Variants in DHRSX observed in about 807,000 individuals in gnomAD.
The protein encoded by DHRSX is dehydrogenase/reductase X-linked.
Under a neutral mutation model 34.0 loss-of-function variants are expected in DHRSX, and 31 were observed. The ratio of observed to expected loss-of-function variants is 0.91; its 90% CI spans 0.69 to 1.23. The LOEUF is 1.23. DHRSX is among the 50% of genes most tolerant of loss of function. The pLI, the probability that DHRSX is intolerant of heterozygous loss-of-function variation, is 0.00. For synonymous variants in DHRSX, 201 were observed against 183.8 expected (o/e 1.09, Z -0.76); for missense variants, 414 against 428.1 (o/e 0.97, Z 0.29).
At position 2,473,481 on chromosome X, in the gene DHRSX, G is replaced by A. The variant is rs886957580; in HGVS notation, c.109+27336C>T. Among the ~76,000 whole-genome samples the A allele has an allele frequency of 1.7e-4, 26 of 151,830 alleles. 1 individual carries two copies. The highest frequency in any genetic ancestry group is 1.2e-3 in the Admixed American group (18 of 15,250). ...TCTACTAAAAATATAAAATTAGCCG[G>A]GCGTGGTGGCACATGCCTGTATTCC... On this transcript the variant is annotated intron_variant, in intron 1 of 6. Coordinates refer to ENST00000334651, the MANE Select transcript of DHRSX (RefSeq NM_145177.3).
chrX:2,473,920 G>A lies in DHRSX; in HGVS notation c.109+26897C>T, dbSNP rs1224050426. Among the ~76,000 whole-genome samples, 9 of 148,370 alleles carry A rather than the reference G, an allele frequency of 6.1e-5. No individual in the cohort carries two copies. The East Asian group carries it at 1.4e-3, about 22-fold the overall frequency. Reference sequence around the variant, plus strand: ...TTCAGACCATTTCTTGGTATCAAGCGTGTAGGGGAAGAAGGATGCGGACAG... The same window carrying A: ...TTCAGACCATTTCTTGGTATCAAGCATGTAGGGGAAGAAGGATGCGGACAG... On this transcript the variant is annotated intron_variant, in intron 1 of 6. Coordinates refer to ENST00000334651, the MANE Select transcript of DHRSX (RefSeq NM_145177.3).
chrX:2,304,170 CTGATGGATGGAT>C (rs2042065564), intron 3 of DHRSX, among the ~76,000 whole-genome samples: 2 of 34,254 alleles, frequency 5.8e-5, no homozygotes, highest in South Asian at 1.0e-3. Flanking sequence ...GATGGATGAA[CTGATGGATGGAT>C]GGATGGATGG....
intron 3 of DHRSX, among the ~76,000 whole-genome samples, chrX:2,310,765 C>CCAGAGAGACA (rs984145215): frequency 7.9e-5 from 12 of 151,312 alleles, no homozygotes; most frequent in Middle Eastern, 6.8e-3. Flanking sequence ...AGAGAGTGTG[C>CCAGAGAGACA]CAGAGAGACA....
chrX:2,429,013 T>C (rs1454252708), intron 1 of DHRSX, among the ~76,000 whole-genome samples: 1 of 152,206 alleles, frequency 6.6e-6, no homozygotes, highest in Non-Finnish European at 1.5e-5. Context: ...ACTTTCATTT[T>C]GTTTTTCTTG....
intron 3 of DHRSX, among the ~76,000 whole-genome samples, chrX:2,407,138 A>T (rs757839611): frequency 2.0e-5 from 3 of 152,228 alleles, no homozygotes; most frequent in African/African-American, 7.2e-5. Context: ...ACTGGAGGCC[A>T]TTACCCTAAG....
intron 3 of DHRSX, among the ~76,000 whole-genome samples, chrX:2,340,654 G>A (rs1216228329): frequency 6.6e-6 from 1 of 152,072 alleles, no homozygotes; most frequent in African/African-American, 2.4e-5. Flanking sequence ...ACCCGCCATT[G>A]AGAACAAATA....
intron 3 of DHRSX, among the ~76,000 whole-genome samples, chrX:2,346,622 T>G (rs911391676): frequency 1.7e-4 from 25 of 149,768 alleles, no homozygotes; most frequent in Non-Finnish European, 3.4e-4. Context: ...TTTTCCTGTT[T>G]GTAGGGATGT....
intron 1 of DHRSX, among the ~76,000 whole-genome samples, chrX:2,459,443 T>C (rs920987528): frequency 3.3e-5 from 5 of 151,316 alleles, no homozygotes; most frequent in African/African-American, 1.2e-4. Context: ...ATTAGCTTCA[T>C]TGCTAATATG....
At chrX:2,472,225 A>T (rs1354026972) in intron 1 of DHRSX, among the ~76,000 whole-genome samples, 2 of 151,964 alleles carry the variant, frequency 1.3e-5, no homozygotes, top group Non-Finnish European at 1.5e-5. Flanking sequence ...AAACTTACAC[A>T]GGAACAGAAA....
intron 3 of DHRSX, among the ~76,000 whole-genome samples, chrX:2,394,145 C>A (rs762647662): frequency 6.6e-6 from 1 of 152,160 alleles, no homozygotes; most frequent in Admixed American, 6.5e-5. Flanking sequence ...ACTGTCCTGG[C>A]GGCTGCAGGT....
At chrX:2,342,400 A>G (rs1342298899) in intron 3 of DHRSX, among the ~76,000 whole-genome samples, 1 of 151,944 alleles carries the variant, frequency 6.6e-6, no homozygotes, top group African/African-American at 2.4e-5. Flanking sequence ...TACCTCACGG[A>G]TTGTCCCGGG....
chrX:2,479,054 C>A (rs2044727806), intron 1 of DHRSX, among the ~76,000 whole-genome samples: 1 of 152,118 alleles, frequency 6.6e-6, no homozygotes, highest in South Asian at 2.1e-4. Context: ...AAGGGACCAC[C>A]ACCGTGTGCA....
At chrX:2,372,605 CTTCT>C (rs1177059026) in intron 3 of DHRSX, among the ~76,000 whole-genome samples, 68 of 112,714 alleles carry the variant, frequency 6.0e-4, no homozygotes, top group African/African-American at 2.4e-3. Flanking sequence ...TTTTCTTTTC[CTTCT>C]TTGTTTTTTT....
chrX:2,331,436 G>GTTTTTTTTTTTTTTTTT lies in DHRSX; in HGVS notation c.287-39850_287-39834dup, dbSNP rs1159991841. On this transcript the variant is annotated intron_variant, in intron 3 of 6. Transcript: ENST00000334651. ...GGAATCCTTTCAGGAAGGTTTTTTG[G>GTTTTTTTTTTTTTTTTT]TTTTTTTTTTTTTTTTTTTTTTTTT... is the stretch of plus-strand genomic sequence containing the variant. 3.9e-4 allele frequency among the ~76,000 whole-genome samples: 37 copies of GTTTTTTTTTTTTTTTTT among 94,662 alleles called. 2 individuals carry two copies. Among genetic ancestry groups the GTTTTTTTTTTTTTTTTT allele is most frequent in the Non-Finnish European group, 6.7e-4 (31 of 46,462 alleles). The allele number at this position is 94,662 out of a possible 152,430, so 62.1% of individuals were successfully genotyped here.
chrX:2,348,632 T>C (rs955006922), intron 3 of DHRSX, among the ~76,000 whole-genome samples: 6 of 152,036 alleles, frequency 3.9e-5, no homozygotes, highest in African/African-American at 7.2e-5. Context: ...ATGTCTGCTA[T>C]ATTATTTTCT....
At chrX:2,440,117 G>A (rs1246824948) in intron 1 of DHRSX, among the ~76,000 whole-genome samples, 3 of 152,194 alleles carry the variant, frequency 2.0e-5, no homozygotes, top group Non-Finnish European at 4.4e-5. Flanking sequence ...GGAAAACAAG[G>A]TCAGTAGCAT....
intron 5 of DHRSX, among the ~76,000 whole-genome samples, chrX:2,251,101 A>C (rs936218863): frequency 5.3e-5 from 8 of 152,142 alleles, no homozygotes; most frequent in Non-Finnish European, 8.8e-5. Context: ...GCCTCCAGCC[A>C]CTGTCTCATC....
intron 3 of DHRSX, among the ~76,000 whole-genome samples, chrX:2,406,134 A>G (rs1417047269): frequency 6.6e-6 from 1 of 151,968 alleles, no homozygotes; most frequent in Non-Finnish European, 1.5e-5. Context: ...TCTATTAAAA[A>G]TACAAAAATT....
chrX:2,328,740 G>A (rs1043990835), intron 3 of DHRSX, among the ~76,000 whole-genome samples: 8 of 152,188 alleles, frequency 5.3e-5, no homozygotes, highest in African/African-American at 7.2e-5. Context: ...AAGCGGCCCA[G>A]CCTGTAGTAT....
Sources: allele counts gnomAD v4.1 joint callset (sites outside exome capture counted in the v4.1 genomes callset), GRCh38; gene constraint gnomAD v4.1.1; transcripts MANE v1.5; gene names NCBI Gene and HGNC (gene_info 2026-07-23, HGNC 2026-07-21).